The following KAZN variants were observed in gnomAD, a reference collection of about 807,000 sequenced individuals.
KAZN encodes the protein kazrin, periplakin interacting protein, also known as kazrin.
KAZN carries 40 observed loss-of-function variants against 87.4 expected under a neutral mutation model. The observed-to-expected ratio is 0.46, with a 90% CI of 0.36 to 0.60. The LOEUF is 0.60. Ranked by LOEUF, KAZN falls within the 20% of genes least tolerant of loss-of-function variation. The pLI, the probability that KAZN is intolerant of heterozygous loss-of-function variation, is 0.00. For synonymous variants in KAZN, 466 were observed against 458.3 expected (o/e 1.02, Z -0.22); for missense variants, 898 against 1,073.9 (o/e 0.84, Z 2.29).
At chr1:14,270,848 T>A (rs906903278) in intron 2 of KAZN, among the ~76,000 whole-genome samples, 1 of 152,180 alleles carries the variant, frequency 6.6e-6, no homozygotes, top group Non-Finnish European at 1.5e-5. Flanking sequence ...TCTCTGAGTT[T>A]GATTTTTTAC....
intron 1 of KAZN, among the ~76,000 whole-genome samples, chr1:14,162,025 T>C (rs544451044): frequency 6.6e-6 from 1 of 152,334 alleles, no homozygotes; most frequent in African/African-American, 2.4e-5. Flanking sequence ...TGCTGGACCA[T>C]ACAAGTTCTA....
At chr1:14,862,804 A>C (rs1311658869) in intron 1 of KAZN, among the ~76,000 whole-genome samples, 2 of 152,204 alleles carry the variant, frequency 1.3e-5, no homozygotes, top group Non-Finnish European at 2.9e-5. Flanking sequence ...AGGACACAGA[A>C]CCAATTTCAC....
chr1:14,958,326 G>A (rs933591886), intron 1 of KAZN, among the ~76,000 whole-genome samples: 1 of 151,456 alleles, frequency 6.6e-6, no homozygotes, highest in South Asian at 2.1e-4. Flanking sequence ...TCCTGTGTAT[G>A]TGGAGCACTT....
chr1:14,412,617 G>C (rs901195239), intron 2 of KAZN, among the ~76,000 whole-genome samples: 1 of 151,854 alleles, frequency 6.6e-6, no homozygotes, highest in Non-Finnish European at 1.5e-5. Context: ...TAAAAGAAGA[G>C]GAAAAAATCT....
At chr1:14,486,535 T>C (rs1222676310) in intron 2 of KAZN, among the ~76,000 whole-genome samples, 2 of 152,198 alleles carry the variant, frequency 1.3e-5, no homozygotes, top group Non-Finnish European at 2.9e-5. Context: ...ACAGAAGCTA[T>C]CTTGGAAACA....
At chr1:14,880,951 C>T (rs1653274134) in intron 1 of KAZN, among the ~76,000 whole-genome samples, 1 of 152,186 alleles carries the variant, frequency 6.6e-6, no homozygotes, top group African/African-American at 2.4e-5. Flanking sequence ...AGCAAGATAA[C>T]TCTTTGCCGG....
chr1:14,177,144 C>T (rs569517330), intron 1 of KAZN, among the ~76,000 whole-genome samples: 2 of 152,006 alleles, frequency 1.3e-5, no homozygotes, highest in South Asian at 2.1e-4. Flanking sequence ...GGTGACACAG[C>T]GAGACGCCAT....
At chr1:14,768,805 A>C (rs746738224) in intron 1 of KAZN, among the ~76,000 whole-genome samples, 1 of 152,252 alleles carries the variant, frequency 6.6e-6, no homozygotes, top group African/African-American at 2.4e-5. Context: ...CAAAGTAATC[A>C]GTTTCCACCA....
intron 12 of KAZN, 117 bp downstream of exon 12, chr1:15,103,577 CAAT>C: frequency 1.4e-6 from 1 of 733,590 alleles, no homozygotes. Context: ...TCATGCAAAT[CAAT>C]GGGCAAATCC....
intron 1 of KAZN, among the ~76,000 whole-genome samples, chr1:14,157,168 G>A (rs1298749839): frequency 6.6e-6 from 1 of 151,768 alleles, no homozygotes; most frequent in Non-Finnish European, 1.5e-5. Context: ...ACTTTTTATG[G>A]TTTCTATTTA....
At chr1:14,098,565 A>G (rs76465010) in intron 1 of KAZN, among the ~76,000 whole-genome samples, 6,890 of 152,188 alleles carry the variant, frequency 0.045, 484 homozygotes, top group African/African-American at 0.15. Flanking sequence ...CATTCTTCTT[A>G]TATTTCTGCC....
Position 14,820,971 on chromosome 1 carries a change from G to A in KAZN, c.227-139713G>A, listed in dbSNP as rs2100825450. Among the ~76,000 whole-genome samples the A allele has an allele frequency of 6.6e-6, 1 of 152,312 alleles. No homozygotes were observed. Among genetic ancestry groups the A allele is most frequent in the African/African-American group, 2.4e-5 (1 of 41,560 alleles). On this transcript the variant is annotated intron_variant, in intron 1 of 14. Transcript: ENST00000376030. This position sits in a 1 kb window ranked among gnomAD's most constrained non-coding sequence, Gnocchi z 4.1. ...ACGCAGCAGGACCGTGGTCTGTTCT[G>A]TGATGGATTGTCGGGAGAAACGGGA...
intron 2 of KAZN, among the ~76,000 whole-genome samples, chr1:14,549,573 C>T (rs1037294130): frequency 2.0e-5 from 3 of 151,360 alleles, no homozygotes; most frequent in Admixed American, 1.3e-4. Flanking sequence ...CCCAAACTTA[C>T]GAACAGATAC....
At chr1:14,995,524 G>A (rs753179929) in intron 2 of KAZN, among the ~76,000 whole-genome samples, 25 of 152,142 alleles carry the variant, frequency 1.6e-4, no homozygotes, top group Non-Finnish European at 2.4e-4. Context: ...TCAGGAGGCT[G>A]AGGCAGGAGA....
chr1:14,387,614 G>C (rs1284790714), intron 2 of KAZN, among the ~76,000 whole-genome samples: 4 of 152,202 alleles, frequency 2.6e-5, no homozygotes, highest in African/African-American at 9.7e-5. Context: ...GTGCCTCCCA[G>C]TTAGGCTGCT....
chr1:14,100,727 T>C (rs1404380051), intron 1 of KAZN, among the ~76,000 whole-genome samples: 1 of 152,208 alleles, frequency 6.6e-6, no homozygotes, highest in Non-Finnish European at 1.5e-5. Context: ...TAAATCACAT[T>C]GTTTGCACAG....
rs115303402 is a variant in KAZN at position 13,953,204 on chromosome 1, T to C, written c.91+59448T>C. ...CCTCTCACCCCTTACATGTTGGAGG[T>C]GAATTTTGGCTTTATTGACTCAGGG... On this transcript the variant is annotated intron_variant, in intron 1 of 16. Coordinates refer to the KAZN transcript ENST00000636203. Among the ~76,000 whole-genome samples the C allele has an allele frequency of 8.2e-3, 1,247 of 152,220 alleles. 17 individuals are homozygous for C. The highest frequency in any genetic ancestry group is 0.028 in the African/African-American group (1,146 of 41,518).
chr1:14,832,706 G>A (rs150375226), intron 1 of KAZN, among the ~76,000 whole-genome samples: 124 of 152,294 alleles, frequency 8.1e-4, no homozygotes, highest in South Asian at 1.7e-3. Flanking sequence ...CACAGCCCAC[G>A]TGCCCTGGGT....
rs140542665 is a variant in KAZN, at chr1:13,997,992, C to T, written c.91+104236C>T. On this transcript the variant is annotated intron_variant, in intron 1 of 16. Coordinates refer to the KAZN transcript ENST00000636203. The stretch of plus-strand genomic sequence containing the variant: ...CAGCCAGAGAGAAAGGCCAGGTCAC[C>T]GACAAAGGGAAGCTCATTAGACTAA... Among the ~76,000 whole-genome samples, 1,142 of 152,120 alleles carry T rather than the reference C, an allele frequency of 7.5e-3. 7 individuals are homozygous for T. Among genetic ancestry groups the T allele is most frequent in the African/African-American group, 0.024 (1,013 of 41,472 alleles).
Sources: gnomAD v4.1 joint callset for allele counts (sites outside exome capture counted in the v4.1 genomes callset) on GRCh38, gnomAD v4.1.1 for gene constraint, Gnocchi (gnomAD v3.1) non-coding constraint, MANE v1.5 for transcripts, NCBI Gene and HGNC (gene_info 2026-07-23, HGNC 2026-07-21) for gene names.